The following HEMK2 variants were observed in gnomAD, a reference collection of about 807,000 sequenced individuals.
HEMK2 encodes the protein HemK methyltransferase 2, ETF1 glutamine and histone H4 lysine.
the HEMK2 span, chr21:28,577,403 T>C: frequency 1.3e-5 from 2 of 152,176 alleles, no homozygotes; most frequent in South Asian, 2.1e-4. Context: ...AATTTCAAAA[T>C]ATACCATGTT....
At chr21:28,845,107 G>A in the HEMK2 span, among the ~76,000 whole-genome samples, 6 of 151,956 alleles carry the variant, frequency 3.9e-5, no homozygotes, top group Non-Finnish European at 7.4e-5. Context: ...GACCATGTAA[G>A]CTTCTTAGCC....
the HEMK2 span, among the ~76,000 whole-genome samples, chr21:28,793,060 C>G: frequency 1.3e-5 from 2 of 152,176 alleles, no homozygotes; most frequent in African/African-American, 4.8e-5. Flanking sequence ...GAATTCTGTT[C>G]TCCTTGCATT....
the HEMK2 span, among the ~76,000 whole-genome samples, chr21:28,599,957 G>A: frequency 6.6e-6 from 1 of 152,228 alleles, no homozygotes; most frequent in Non-Finnish European, 1.5e-5. Context: ...TGATACAAGA[G>A]GTGGGTTCCC....
At chr21:28,867,927 T>C in the HEMK2 span, among the ~76,000 whole-genome samples, 1 of 152,226 alleles carries the variant, frequency 6.6e-6, no homozygotes, top group Non-Finnish European at 1.5e-5. Flanking sequence ...AATTCAACCT[T>C]TTTATTTACA....
the HEMK2 span, among the ~76,000 whole-genome samples, chr21:28,689,551 T>G: frequency 0.56 from 84,517 of 151,882 alleles, 26,170 homozygotes; most frequent in East Asian, 0.84. Context: ...TACAAACACA[T>G]AAAACAACAC....
chr21:28,797,552 T>C, the HEMK2 span, among the ~76,000 whole-genome samples: 2 of 151,258 alleles, frequency 1.3e-5, no homozygotes, highest in Non-Finnish European at 2.9e-5. Context: ...GAGGTGGAGG[T>C]TGCAGTGAGT....
At chr21:28,614,513 T>C in the HEMK2 span, among the ~76,000 whole-genome samples, 6 of 152,136 alleles carry the variant, frequency 3.9e-5, no homozygotes, top group Non-Finnish European at 5.9e-5. Flanking sequence ...GTGAAAAATA[T>C]GATCAAATAG....
chr21:28,695,462 G>A, the HEMK2 span, among the ~76,000 whole-genome samples: 1 of 152,134 alleles, frequency 6.6e-6, no homozygotes, highest in Non-Finnish European at 1.5e-5. Flanking sequence ...CATAGCTAGG[G>A]AGGCCTCACA....
the HEMK2 span, among the ~76,000 whole-genome samples, chr21:28,675,276 G>A: frequency 6.6e-6 from 1 of 152,044 alleles, no homozygotes; most frequent in Non-Finnish European, 1.5e-5. Context: ...ATTCAAACAT[G>A]ATAATAAAAA....
chr21:28,686,686 A>C, the HEMK2 span, among the ~76,000 whole-genome samples: 6 of 152,214 alleles, frequency 3.9e-5, no homozygotes, highest in African/African-American at 1.4e-4. Context: ...CCAGGGATGA[A>C]ACATTCAGTT....
the HEMK2 span, among the ~76,000 whole-genome samples, chr21:28,692,441 T>C: frequency 6.6e-6 from 1 of 152,106 alleles, no homozygotes; most frequent in Admixed American, 6.6e-5. Context: ...ATATATACTG[T>C]ATATGCTTTA....
At chr21:28,591,441 T>A in the HEMK2 span, among the ~76,000 whole-genome samples, 2 of 152,136 alleles carry the variant, frequency 1.3e-5, no homozygotes, top group Non-Finnish European at 2.9e-5. Flanking sequence ...TTGAAGAATT[T>A]TGCACGTCAA....
the HEMK2 span, among the ~76,000 whole-genome samples, chr21:28,588,745 C>T: frequency 6.6e-6 from 1 of 151,898 alleles, no homozygotes; most frequent in African/African-American, 2.4e-5. Flanking sequence ...CCGAGGAGGT[C>T]GGATCACGAG....
the HEMK2 span, chr21:28,885,202 C>T: frequency 6.4e-7 from 1 of 1,562,720 alleles, no homozygotes; most frequent in Admixed American, 1.8e-5. Flanking sequence ...AGCCCCTCCC[C>T]TCCTCGCACC....
the HEMK2 span, among the ~76,000 whole-genome samples, chr21:28,821,186 C>T: frequency 3.1e-4 from 47 of 152,264 alleles, no homozygotes; most frequent in Non-Finnish European, 5.9e-5. Flanking sequence ...CCCACCATCA[C>T]CCGACCCCGG....
the HEMK2 span, among the ~76,000 whole-genome samples, chr21:28,746,313 A>G: frequency 3.3e-5 from 5 of 152,190 alleles, no homozygotes; most frequent in African/African-American, 1.2e-4. Flanking sequence ...CATGAGGTAC[A>G]TACTACTCTT....
At chr21:28,678,686 A>G in the HEMK2 span, among the ~76,000 whole-genome samples, 1 of 152,248 alleles carries the variant, frequency 6.6e-6, no homozygotes, top group Admixed American at 6.5e-5. Flanking sequence ...TCAGACTAAC[A>G]GCAGATCTCT....
the HEMK2 span, among the ~76,000 whole-genome samples, chr21:28,768,116 G>A: frequency 6.6e-6 from 1 of 152,176 alleles, no homozygotes; most frequent in South Asian, 2.1e-4. Flanking sequence ...ATCTCTCACA[G>A]CTAGAGGTAG....
the HEMK2 span, among the ~76,000 whole-genome samples, chr21:28,797,453 A>C: frequency 2.0e-5 from 3 of 148,440 alleles, no homozygotes; most frequent in South Asian, 2.1e-4. Context: ...AAAAAAAAAA[A>C]ACAAAAAACA....
Sources: allele counts gnomAD v4.1 joint callset (sites outside exome capture counted in the v4.1 genomes callset), GRCh38; gene constraint gnomAD v4.1.1; transcripts MANE v1.5; gene names NCBI Gene and HGNC (gene_info 2026-07-23, HGNC 2026-07-21).